Variants in CLASP2 observed in about 807,000 individuals in gnomAD.
CLASP2 encodes the protein cytoplasmic linker associated protein 2, also known as CLIP-associating protein 2.
A neutral mutation model predicts 194.4 loss-of-function variants in CLASP2; 47 were observed. The observed-to-expected ratio is 0.24, with a 90% confidence interval of 0.19 to 0.31. The LOEUF (loss-of-function observed/expected upper bound fraction) is 0.31. CLASP2 is among the 10% of genes least tolerant of loss of function. The pLI, the probability that CLASP2 is intolerant of heterozygous loss-of-function variation, is 1.00. For synonymous variants in CLASP2, 619 were observed against 633.5 expected (o/e 0.98, Z 0.34); for missense variants, 1,445 against 1,823.6 (o/e 0.79, Z 3.78).
chr3:33,595,601 C>T (rs916557162), intron 19 of CLASP2, among the ~76,000 whole-genome samples: 32 of 151,878 alleles, frequency 2.1e-4, no homozygotes, highest in Non-Finnish European at 3.7e-4. Flanking sequence ...CAATAATATA[C>T]GTCTGTGTAT....
chr3:33,531,756 C>T (rs1575982434), intron 34 of CLASP2, among the ~76,000 whole-genome samples: 2 of 152,226 alleles, frequency 1.3e-5, no homozygotes, highest in Middle Eastern at 6.8e-3. Flanking sequence ...GCCTAGACGA[C>T]AAGAGCGAAA....
chr3:33,543,338 A>T, intron 32 of CLASP2, 95 bp downstream of exon 32: 1 of 816,896 alleles, frequency 1.2e-6, no homozygotes. Flanking sequence ...ACACCACCAC[A>T]CTCCAGCCTG....
chr3:33,545,852 G>A lies in CLASP2; in HGVS notation c.3154-1011C>T, dbSNP rs573313066. On this transcript the variant is annotated intron_variant, in intron 30 of 38. Transcript: ENST00000682230. ...TTGAACCTGGGAGGCAGAAGTTGCA[G>A]TGAGCAGAGATCATGCCACTGCACT... is the stretch of plus-strand genomic sequence containing the variant. Among the ~76,000 whole-genome samples the A allele has an allele frequency of 2.6e-5, 4 of 151,756 alleles. No homozygotes were observed. In the East Asian group the frequency reaches 7.8e-4, roughly 29 times the overall value.
In CLASP2 at chr3:33,697,319, C is replaced by T. The variant is rs548580512; in HGVS notation, c.196-386G>A. Among the ~76,000 whole-genome samples, 7 of 152,304 alleles carry T rather than the reference C, an allele frequency of 4.6e-5. No individual in the cohort carries two copies. The South Asian group carries it at 1.5e-3, about 32-fold the overall frequency. On this transcript the variant is annotated intron_variant, in intron 1 of 38. Coordinates refer to ENST00000682230, the MANE Select transcript of CLASP2 (RefSeq NM_001365631.1). ...ACATCAGAGTGCATTTACACCTAGA[C>T]AGTATAGCCTACTACAAACCTAAGC...
chr3:33,648,540 G>A (rs1338198958), intron 7 of CLASP2, among the ~76,000 whole-genome samples: 1 of 151,878 alleles, frequency 6.6e-6, no homozygotes, highest in Non-Finnish European at 1.5e-5. Context: ...TAGAAACATA[G>A]GAAGAAATAA....
chr3:33,631,886 A>T (rs2079158037), intron 9 of CLASP2, among the ~76,000 whole-genome samples: 1 of 152,178 alleles, frequency 6.6e-6, no homozygotes, highest in Admixed American at 6.5e-5. Context: ...GTCAGGTTGT[A>T]GAATGTTATG....
intron 13 of CLASP2, among the ~76,000 whole-genome samples, chr3:33,609,293 A>G (rs1211269699): frequency 6.6e-6 from 1 of 152,184 alleles, no homozygotes; most frequent in African/African-American, 2.4e-5. Flanking sequence ...AATAAATTAA[A>G]TAAAATTTAA....
chr3:33,626,575 T>C (rs1269620949), intron 10 of CLASP2, among the ~76,000 whole-genome samples: 1 of 152,166 alleles, frequency 6.6e-6, no homozygotes, highest in Non-Finnish European at 1.5e-5. Context: ...ATGCATATCC[T>C]GTTGTGAATT....
In CLASP2 at chr3:33,619,623, C is replaced by T. The variant is rs2076799155; in HGVS notation, c.1297G>A (p.Ala433Thr). The change falls in exon 12 of 39, where the codon GCA (alanine) becomes ACA (threonine). Residue 433 changes from alanine to threonine, a missense_variant. Transcript: ENST00000682230. ...CCTACCCGAATGATAAATCTGATTG[C>T]TGCACATCCAGAAGTTGCCATGACT... Reference protein sequence around the residue: ...AKVMATSGCAAIRFIIRHTHV... With the variant: ...AKVMATSGCATIRFIIRHTHV... 2.6e-6 allele frequency: 4 copies of T among 1,550,682 alleles called. No homozygotes were observed. The highest frequency in any genetic ancestry group is 3.5e-6 in the Non-Finnish European group (4 of 1,146,654).
Position 33,619,634 on chromosome 3 carries a change from G to C in CLASP2, c.1286C>G (p.Ser429Cys), listed in dbSNP as rs1012467186. ...VPNSAKVMATSGCAAIRFIIR... is the reference protein window; with the variant it reads ...VPNSAKVMATCGCAAIRFIIR... Reference sequence around the variant, plus strand: ...GATAAATCTGATTGCTGCACATCCAGAAGTTGCCATGACTTTTGCACTATT... The same window carrying C: ...GATAAATCTGATTGCTGCACATCCACAAGTTGCCATGACTTTTGCACTATT... Residue 429 changes from serine to cysteine, a missense_variant, in exon 12 of 39, where the codon TCT becomes TGT. This residue lies in a region of CLASP2 where 207 missense variants were observed against 331.4 expected (regional missense o/e 0.62). Transcript: ENST00000682230. 3 of 1,552,310 alleles carry C rather than the reference G, an allele frequency of 1.9e-6. No individual in the cohort carries two copies. The highest frequency in any genetic ancestry group is 2.6e-6 in the Non-Finnish European group (3 of 1,147,532).
At chr3:33,645,935 C>T (rs1284987303) in intron 7 of CLASP2, among the ~76,000 whole-genome samples, 1 of 72,172 alleles carries the variant, frequency 1.4e-5, no homozygotes, top group East Asian at 5.1e-4. Context: ...AGCATACACA[C>T]ACACACACAC....
chr3:33,679,789 C>CA (rs1400688228), intron 6 of CLASP2, among the ~76,000 whole-genome samples: 1 of 152,150 alleles, frequency 6.6e-6, no homozygotes, highest in Non-Finnish European at 1.5e-5. Context: ...GGTGGGAATA[C>CA]AAAATGGTAC....
At chr3:33,580,773 TG>T (rs1447238418) in intron 23 of CLASP2, among the ~76,000 whole-genome samples, 1 of 151,810 alleles carries the variant, frequency 6.6e-6, no homozygotes, top group Admixed American at 6.6e-5. Flanking sequence ...CCCAGCACTT[TG>T]GGGGGCCGAG....
At chr3:33,625,034 C>T (rs2077752074) in intron 10 of CLASP2, among the ~76,000 whole-genome samples, 1 of 151,800 alleles carries the variant, frequency 6.6e-6, no homozygotes, top group Non-Finnish European at 1.5e-5. Context: ...AACTCTTTAC[C>T]CAACAACCCA....
intron 1 of CLASP2, among the ~76,000 whole-genome samples, chr3:33,703,077 C>T (rs557966721): frequency 1.3e-5 from 2 of 152,146 alleles, no homozygotes; most frequent in Non-Finnish European, 2.9e-5. Context: ...ACACCAAAGG[C>T]ATGGTCCATG....
At chr3:33,516,932 TAA>T in intron 35 of CLASP2, 47 bp downstream of exon 35, 1 of 1,487,362 alleles carries the variant, frequency 6.7e-7, no homozygotes, top group Non-Finnish European at 9.3e-7. Flanking sequence ...ACAGGCAATG[TAA>T]AAGAGACAGG....
intron 36 of CLASP2, among the ~76,000 whole-genome samples, 200 bp from the exon 37 acceptor site, chr3:33,510,964 G>A (rs551579312): frequency 5.6e-4 from 85 of 151,770 alleles, no homozygotes; most frequent in African/African-American, 1.8e-3. Context: ...GAAGCTAGAT[G>A]ATGGATACAT....
chr3:33,708,173 C>T (rs1399929675), intron 1 of CLASP2, among the ~76,000 whole-genome samples: 2 of 151,962 alleles, frequency 1.3e-5, no homozygotes, highest in African/African-American at 4.8e-5. Flanking sequence ...ACTTACTCAT[C>T]GTATAACAGA....
At chr3:33,584,245 C>A (rs1451051548) in intron 22 of CLASP2, among the ~76,000 whole-genome samples, 1 of 150,388 alleles carries the variant, frequency 6.6e-6, no homozygotes, top group Admixed American at 6.6e-5. Context: ...TTTTTCAAAG[C>A]TCCTATGAAT....
Sources: gnomAD v4.1 joint callset for allele counts (sites outside exome capture counted in the v4.1 genomes callset) on GRCh38, gnomAD v4.1.1 for gene constraint, gnomAD v4.1.1 regional missense constraint, MANE v1.5 for transcripts, NCBI Gene and HGNC (gene_info 2026-07-23, HGNC 2026-07-21) for gene names.